Variants in SERGEF observed in about 807,000 individuals in gnomAD.
SERGEF encodes secretion-regulating guanine nucleotide exchange factor.
Under a neutral mutation model 50.0 loss-of-function variants are expected in SERGEF, and 51 were observed. The observed-to-expected ratio is 1.02, with a 90% CI of 0.81 to 1.29. SERGEF has a LOEUF of 1.29. SERGEF is among the 50% of genes most tolerant of loss of function. The probability of loss-of-function intolerance (pLI) is 0.00; values close to 1 mark genes in which losing one functional copy is unlikely to be tolerated. For synonymous variants in SERGEF, 205 were observed against 212.4 expected (o/e 0.97, Z 0.30); for missense variants, 521 against 557.0 (o/e 0.94, Z 0.65).
At chr11:17,926,670 C>G (rs184950494) in intron 9 of SERGEF, 1 of 444,910 alleles carries the variant, frequency 2.2e-6, no homozygotes, top group East Asian at 7.0e-5. Flanking sequence ...AAGTGTGACC[C>G]TGAATTGATT....
chr11:17,926,937 CT>C (rs1203119332), intron 9 of SERGEF: 3 of 430,386 alleles, frequency 7.0e-6, no homozygotes, highest in Non-Finnish European at 1.4e-5. Context: ...TCCTATGCCC[CT>C]CCCCAACTCA....
intron 10 of SERGEF, among the ~76,000 whole-genome samples, chr11:17,847,780 T>C (rs1281175437): frequency 6.6e-6 from 1 of 152,154 alleles, no homozygotes; most frequent in Non-Finnish European, 1.5e-5. Flanking sequence ...AGCATCCCAA[T>C]AACTGGTAGC....
chr11:17,865,936 C>T (rs1851014435), intron 10 of SERGEF, among the ~76,000 whole-genome samples: 1 of 152,158 alleles, frequency 6.6e-6, no homozygotes, highest in South Asian at 2.1e-4. Context: ...CACTGACTCA[C>T]CCAGAACAAC....
At chr11:17,870,698 T>C (rs905600588) in intron 10 of SERGEF, among the ~76,000 whole-genome samples, 17 of 152,012 alleles carry the variant, frequency 1.1e-4, no homozygotes, top group African/African-American at 4.1e-4. Context: ...AAAGAGAAAA[T>C]ACAAATAGTT....
At chr11:17,830,644 G>GA (rs58504213) in intron 10 of SERGEF, among the ~76,000 whole-genome samples, 1 of 93,336 alleles carries the variant, frequency 1.1e-5, no homozygotes, top group African/African-American at 4.4e-5. Context: ...GGGAGGGAGA[G>GA]GGAGGGAGAG....
intron 10 of SERGEF, among the ~76,000 whole-genome samples, chr11:17,835,837 ATGT>A (rs1850387708): frequency 6.6e-6 from 1 of 152,238 alleles, no homozygotes; most frequent in African/African-American, 2.4e-5. Flanking sequence ...CATATCTGAA[ATGT>A]TGTAAAGTAG....
intron 9 of SERGEF, chr11:17,918,646 A>T (rs1314120113): frequency 2.4e-6 from 1 of 416,708 alleles, no homozygotes; most frequent in African/African-American, 2.1e-5. Context: ...ACACACACAC[A>T]CACACATACA....
intron 8 of SERGEF, among the ~76,000 whole-genome samples, chr11:17,987,337 A>T (rs1329261280): frequency 6.6e-6 from 1 of 152,228 alleles, no homozygotes; most frequent in African/African-American, 2.4e-5. Flanking sequence ...AGTGAGCAAG[A>T]CTAATCTGGT....
intron 10 of SERGEF, among the ~76,000 whole-genome samples, chr11:17,865,832 T>G (rs1851012512): frequency 6.6e-6 from 1 of 152,190 alleles, no homozygotes; most frequent in African/African-American, 2.4e-5. Context: ...GTAGCCTAAG[T>G]GCACAGTATT....
intron 10 of SERGEF, among the ~76,000 whole-genome samples, chr11:17,811,678 TC>T (rs1849876852): frequency 6.6e-6 from 1 of 152,172 alleles, no homozygotes; most frequent in South Asian, 2.1e-4. Context: ...TGCTGGGCGC[TC>T]CGGAGGCGAA....
intron 1 of SERGEF, among the ~76,000 whole-genome samples, chr11:18,012,256 T>C (rs1854210533): frequency 6.6e-6 from 1 of 152,214 alleles, no homozygotes; most frequent in Non-Finnish European, 1.5e-5. Flanking sequence ...TGATACGTGC[T>C]ATGAAGAAGC....
At chr11:17,817,007 T>C (rs146392985) in intron 10 of SERGEF, among the ~76,000 whole-genome samples, 201 of 152,298 alleles carry the variant, frequency 1.3e-3, no homozygotes, top group African/African-American at 4.4e-3. Context: ...ACAGGCACAT[T>C]GTCTCTGTAT....
At chr11:17,923,616 G>A (rs1012016929) in intron 9 of SERGEF, among the ~76,000 whole-genome samples, 13 of 151,840 alleles carry the variant, frequency 8.6e-5, no homozygotes, top group Admixed American at 5.9e-4. Flanking sequence ...GGGAAGGGAG[G>A]TGTTGCAGAT....
At chr11:17,881,689 T>C (rs529989129) in intron 9 of SERGEF, among the ~76,000 whole-genome samples, 1 of 152,306 alleles carries the variant, frequency 6.6e-6, no homozygotes, top group South Asian at 2.1e-4. Flanking sequence ...GGGCAAGGTA[T>C]TTGATTTGAC....
At chr11:17,869,075 G>A (rs776127759) in intron 10 of SERGEF, among the ~76,000 whole-genome samples, 4 of 152,052 alleles carry the variant, frequency 2.6e-5, no homozygotes, top group Admixed American at 2.0e-4. Flanking sequence ...AGGTGTGAGC[G>A]ACTGACCCTG....
intron 10 of SERGEF, among the ~76,000 whole-genome samples, chr11:17,812,406 A>C (rs1171452749): frequency 6.6e-6 from 1 of 152,136 alleles, no homozygotes. Context: ...CTTGCTTTGC[A>C]GTATATGCTT....
At chr11:17,849,256 G>A (rs973110186) in intron 10 of SERGEF, among the ~76,000 whole-genome samples, 2 of 152,064 alleles carry the variant, frequency 1.3e-5, no homozygotes, top group African/African-American at 2.4e-5. Context: ...CCACACCGTT[G>A]ATCCTACATG....
Position 17,888,799 on chromosome 11 carries a change from T to C in SERGEF, c.1012-10555A>G, listed in dbSNP as rs1427577352. On this transcript the variant is annotated intron_variant, in intron 9 of 10. Coordinates refer to ENST00000265965, the MANE Select transcript of SERGEF (RefSeq NM_012139.4). This position sits in a 1 kb window ranked among gnomAD's most constrained non-coding sequence, Gnocchi z 4.1. ...TTCAACTAAGAGGGATCAGAGCTCC[T>C]CGGAGAAAAGGCTGATTCTAGGGTT... is the stretch of plus-strand genomic sequence containing the variant. 6.6e-6 allele frequency among the ~76,000 whole-genome samples: 1 copy of C among 152,096 alleles called. No homozygotes were observed. Among genetic ancestry groups the C allele is most frequent in the African/African-American group, 2.4e-5 (1 of 41,416 alleles).
chr11:17,915,293 A>G (rs1451107190), intron 9 of SERGEF, among the ~76,000 whole-genome samples: 1 of 152,186 alleles, frequency 6.6e-6, no homozygotes, highest in Non-Finnish European at 1.5e-5. Flanking sequence ...ATTTTGGGAC[A>G]AGTTATTTTG....
Sources: allele counts gnomAD v4.1 joint callset (sites outside exome capture counted in the v4.1 genomes callset), GRCh38; gene constraint gnomAD v4.1.1; non-coding constraint Gnocchi (gnomAD v3.1); transcripts MANE v1.5; gene names NCBI Gene and HGNC (gene_info 2026-07-23, HGNC 2026-07-21).